The following PLCH1 variants were observed in gnomAD, a reference collection of about 807,000 sequenced individuals.
PLCH1 encodes phospholipase C eta 1, also known as 1-phosphatidylinositol 4,5-bisphosphate phosphodiesterase eta-1.
In PLCH1, 60 loss-of-function variants were observed where a neutral mutation model predicts 126.7. That is an observed-to-expected ratio of 0.47 (90% CI 0.38 to 0.59). The LOEUF (loss-of-function observed/expected upper bound fraction) is 0.59, where lower values mean the gene tolerates loss of function less well. Ranked by LOEUF, PLCH1 falls within the 20% of genes least tolerant of loss-of-function variation. PLCH1 has a pLI of 0.00. For synonymous variants in PLCH1, 719 were observed against 734.9 expected (o/e 0.98, Z 0.35); for missense variants, 1,723 against 2,040.0 (o/e 0.84, Z 2.99).
intron 2 of PLCH1, among the ~76,000 whole-genome samples, chr3:155,596,700 T>A (rs1733028922): frequency 6.6e-6 from 1 of 152,232 alleles, no homozygotes; most frequent in Admixed American, 6.5e-5. Flanking sequence ...GTTCTTAAAG[T>A]AAGTTCTCAG....
chr3:155,466,285 A>G (rs1376518521), intron 21 of PLCH1, among the ~76,000 whole-genome samples: 1 of 152,134 alleles, frequency 6.6e-6, no homozygotes, highest in Non-Finnish European at 1.5e-5. Flanking sequence ...AGAACAGAGG[A>G]GAGAGAGAGA....
intron 1 of PLCH1, among the ~76,000 whole-genome samples, chr3:155,715,917 C>T (rs1237963241): frequency 2.0e-5 from 3 of 152,064 alleles, no homozygotes. Flanking sequence ...CATTTGTTTT[C>T]TTTGGGCCTA....
intron 10 of PLCH1, among the ~76,000 whole-genome samples, chr3:155,531,014 A>G (rs898231472): frequency 1.3e-5 from 2 of 152,184 alleles, no homozygotes; most frequent in Non-Finnish European, 2.9e-5. Context: ...TTTGAAAGGA[A>G]TCTTTTTTCC....
chr3:155,705,887 C>T (rs1746616542), intron 1 of PLCH1, among the ~76,000 whole-genome samples: 1 of 152,088 alleles, frequency 6.6e-6, no homozygotes, highest in African/African-American at 2.4e-5. Context: ...TTAAAAAATA[C>T]AATCTGGGCT....
intron 21 of PLCH1, chr3:155,486,035 G>A: frequency 2.8e-6 from 2 of 701,786 alleles, no homozygotes; most frequent in South Asian, 1.9e-5. Flanking sequence ...AGCAACAGAT[G>A]CATGTTTCAA....
intron 2 of PLCH1, among the ~76,000 whole-genome samples, chr3:155,611,635 A>G (rs1170256087): frequency 6.6e-6 from 1 of 152,200 alleles, no homozygotes; most frequent in Non-Finnish European, 1.5e-5. Context: ...CAACAAAAAA[A>G]CAATGGACTT....
At chr3:155,601,013 A>C (rs539591038) in intron 2 of PLCH1, among the ~76,000 whole-genome samples, 18 of 152,272 alleles carry the variant, frequency 1.2e-4, no homozygotes, top group Non-Finnish European at 2.2e-4. Context: ...CTCGCTCTGT[A>C]GCCCAGGCTG....
At chr3:155,743,261 G>A in intron 1 of PLCH1, 1 of 454,534 alleles carries the variant, frequency 2.2e-6, no homozygotes, top group Admixed American at 2.4e-5. Flanking sequence ...GCTGGGCGCG[G>A]TGGCTCACGC....
Position 155,642,151 on chromosome 3 carries a change from T to C in PLCH1, c.80-45773A>G, listed in dbSNP as rs139029489. On this transcript the variant is annotated intron_variant, in intron 2 of 22. Transcript: ENST00000460012. ...ATGAGGTATGTGCTATTATTATCCC[T>C]ATTTTACAACAGAAGCTACCAAGGC... Among the ~76,000 whole-genome samples, 28 of 152,356 alleles carry C rather than the reference T, an allele frequency of 1.8e-4. No individual in the cohort carries two copies. In the Middle Eastern group the frequency reaches 0.01, roughly 56 times the overall value.
chr3:155,494,602 A>G, intron 15 of PLCH1, 85 bp from the exon 16 acceptor site: 3 of 1,079,030 alleles, frequency 2.8e-6, no homozygotes, highest in Non-Finnish European at 2.8e-6. Flanking sequence ...ATAATGTCAG[A>G]TTATACCAAT....
At chr3:155,692,695 G>T (rs1208063739) in intron 2 of PLCH1, among the ~76,000 whole-genome samples, 1 of 152,080 alleles carries the variant, frequency 6.6e-6, no homozygotes, top group Non-Finnish European at 1.5e-5. Flanking sequence ...TCACAGCAAG[G>T]ATTCTCTGAG....
intron 8 of PLCH1, among the ~76,000 whole-genome samples, chr3:155,563,177 C>G (rs149241056): frequency 6.6e-6 from 1 of 152,104 alleles, no homozygotes; most frequent in Admixed American, 6.6e-5. Context: ...CAGGCCTCTT[C>G]CTCTTTTCCC....
chr3:155,526,421 TTC>T (rs1721921502), intron 10 of PLCH1, among the ~76,000 whole-genome samples: 1 of 148,396 alleles, frequency 6.7e-6, no homozygotes, highest in African/African-American at 2.5e-5. Context: ...TCTCTCTCTC[TTC>T]TGTCTCTCTC....
At chr3:155,536,572 G>T (rs1245539119) in intron 10 of PLCH1, among the ~76,000 whole-genome samples, 1 of 152,022 alleles carries the variant, frequency 6.6e-6, no homozygotes, top group Non-Finnish European at 1.5e-5. Flanking sequence ...GTAGAAGAAA[G>T]AACTTCAGAG....
chr3:155,558,206 ATTC>A (rs1436766952), intron 8 of PLCH1, among the ~76,000 whole-genome samples: 4 of 152,252 alleles, frequency 2.6e-5, no homozygotes, highest in Admixed American at 6.5e-5. Context: ...CTGTAGAATC[ATTC>A]TTCTCCATCT....
intron 2 of PLCH1, among the ~76,000 whole-genome samples, chr3:155,691,488 G>C (rs1333221152): frequency 1.3e-5 from 2 of 152,158 alleles, no homozygotes; most frequent in African/African-American, 4.8e-5. Flanking sequence ...AGAAGGCAAG[G>C]TTTCTTCTTC....
chr3:155,626,801 G>GAAAAAAAAAAAAAAAAAAAAAAAAAAAA (rs1737355762), intron 2 of PLCH1, among the ~76,000 whole-genome samples: 1 of 126,410 alleles, frequency 7.9e-6, no homozygotes. Flanking sequence ...AAAAAAAAAG[G>GAAAAAAAAAAAAAAAAAAAAAAAAAAAA]AAAAAGATGA....
intron 4 of PLCH1, 68 bp downstream of exon 4, chr3:155,593,873 T>C: frequency 6.7e-7 from 1 of 1,497,284 alleles, no homozygotes; most frequent in Admixed American, 1.9e-5. Context: ...TAATCCTTAC[T>C]TCACAAATGC....
chr3:155,593,926 T>C lies in PLCH1; in HGVS notation c.470+15A>G, dbSNP rs767785313. The C allele has an allele frequency of 1.7e-5, 27 of 1,612,902 alleles. No individual in the cohort carries two copies. Among genetic ancestry groups the C allele is most frequent in the Non-Finnish European group, 2.3e-5 (27 of 1,179,342 alleles). On this transcript the variant is annotated intron_variant, in intron 4 of 22. Transcript: ENST00000460012. Reference sequence around the variant, plus strand: ...GAGCAAGAGAGAGCTGAAAATAAAGTTCTAGAAAGGATATTGGTCATGGGT... The same window carrying C: ...GAGCAAGAGAGAGCTGAAAATAAAGCTCTAGAAAGGATATTGGTCATGGGT...
Sources: gnomAD v4.1 joint callset for allele counts (sites outside exome capture counted in the v4.1 genomes callset) on GRCh38, gnomAD v4.1.1 for gene constraint, MANE v1.5 for transcripts, NCBI Gene and HGNC (gene_info 2026-07-23, HGNC 2026-07-21) for gene names.